Variants in MXI1 observed in about 807,000 individuals in gnomAD.
MXI1 encodes MAX interactor 1, dimerization protein.
Under a neutral mutation model 36.9 loss-of-function variants are expected in MXI1, and 18 were observed. The ratio of observed to expected loss-of-function variants is 0.49; its 90% CI spans 0.34 to 0.72. MXI1 has a LOEUF of 0.72. Ranked by LOEUF, MXI1 falls within the 30% of genes least tolerant of loss-of-function variation. MXI1 has a pLI of 0.01. For synonymous variants in MXI1, 160 were observed against 146.7 expected (o/e 1.09, Z -0.65); for missense variants, 304 against 379.1 (o/e 0.80, Z 1.64).
chr10:110,211,685 A>G (rs1854520301), intron 1 of MXI1, among the ~76,000 whole-genome samples: 1 of 152,142 alleles, frequency 6.6e-6, no homozygotes, highest in Non-Finnish European at 1.5e-5. Flanking sequence ...CTTCCAGTGG[A>G]GAGGTTGAGT....
chr10:110,212,574 A>G (rs1854539238), intron 1 of MXI1, among the ~76,000 whole-genome samples: 1 of 152,180 alleles, frequency 6.6e-6, no homozygotes, highest in African/African-American at 2.4e-5. Flanking sequence ...TTGTTAAGTC[A>G]TTGTACTTGA....
chr10:110,228,219 C>T lies in MXI1; in HGVS notation c.305C>T (p.Pro102Leu), dbSNP rs1855133509. ...GAACATGGCTACGCCTCTTCATTCC[C>T]GTCCATGCCGAGCCCCCGACTGCAG... ...KCEHGYASSF[P>L]SMPSPRLQHS... The change falls in exon 2 of 6, where the codon CCG (proline) becomes CTG (leucine). Residue 102 changes from proline to leucine, a missense_variant. This residue lies in a region of MXI1 where 179 missense variants were observed against 184.8 expected (regional missense o/e 0.97). Transcript: ENST00000332674. 1 of 1,614,054 alleles carries T rather than the reference C, an allele frequency of 6.2e-7. No homozygotes were observed. Among genetic ancestry groups the T allele is most frequent in the Non-Finnish European group, 8.5e-7 (1 of 1,180,018 alleles).
At chr10:110,234,648 C>T (rs1855392733) in intron 2 of MXI1, among the ~76,000 whole-genome samples, 2 of 152,054 alleles carry the variant, frequency 1.3e-5, no homozygotes, top group Non-Finnish European at 2.9e-5. Context: ...CTTTGGAAGT[C>T]AGATGAGTTA....
At chr10:110,235,630 G>C (rs1470269522) in intron 2 of MXI1, among the ~76,000 whole-genome samples, 1 of 151,610 alleles carries the variant, frequency 6.6e-6, no homozygotes, top group African/African-American at 2.4e-5. Context: ...AGAGCTTGCA[G>C]TGAGCCAAGA....
Position 110,285,689 on chromosome 10 carries a change from C to A in MXI1, c.*702C>A, listed in dbSNP as rs1282807602. ...GTTAGCACTAGGCACCCAGCTGCCACCTCTCCATCCTGCTGCCCTTAGGCC... is the reference window on the plus strand; with the variant it reads ...GTTAGCACTAGGCACCCAGCTGCCAACTCTCCATCCTGCTGCCCTTAGGCC... On this transcript the variant is annotated 3_prime_UTR_variant, in exon 6 of 6. Coordinates refer to ENST00000332674, the MANE Select transcript of MXI1 (RefSeq NM_130439.3). 3.9e-5 allele frequency: 6 copies of A among 152,322 alleles called. No homozygotes were observed. Among genetic ancestry groups the A allele is most frequent in the Non-Finnish European group, 8.8e-5 (6 of 68,114 alleles). 9.4% of individuals were successfully genotyped at this position (152,322 alleles called of 1,614,324 possible).
chr10:110,253,701 C>T (rs1319546463), intron 3 of MXI1, among the ~76,000 whole-genome samples: 5 of 152,044 alleles, frequency 3.3e-5, no homozygotes, highest in African/African-American at 1.2e-4. Flanking sequence ...TAACCTATAA[C>T]TTCAGCTGGA....
intron 3 of MXI1, among the ~76,000 whole-genome samples, chr10:110,262,224 TA>T (rs1310250590): frequency 6.6e-6 from 1 of 152,154 alleles, no homozygotes; most frequent in African/African-American, 2.4e-5. Context: ...CCTTATTCCC[TA>T]AACAATACAA....
At chr10:110,270,505 TA>T (rs5787842) in intron 3 of MXI1, among the ~76,000 whole-genome samples, 2,392 of 151,884 alleles carry the variant, frequency 0.016, 57 homozygotes, top group African/African-American at 0.055. Context: ...GCAGGATAAT[TA>T]AAAAAAATAG....
chr10:110,280,197 A>T, intron 5 of MXI1, 112 bp downstream of exon 5: 1 of 881,214 alleles, frequency 1.1e-6, no homozygotes, highest in Non-Finnish European at 1.6e-6. Flanking sequence ...ACAGAGTAAC[A>T]TTGTAGGTTT....
intron 1 of MXI1, chr10:110,225,891 C>A (rs1385467106): frequency 1.8e-6 from 1 of 551,022 alleles, no homozygotes; most frequent in Non-Finnish European, 2.3e-6. Flanking sequence ...TCCCGGCAGC[C>A]GCGGGCGGGT....
chr10:110,242,832 ATGGCTGTTTAG>A (rs1855722240), intron 2 of MXI1, among the ~76,000 whole-genome samples: 1 of 151,790 alleles, frequency 6.6e-6, no homozygotes, highest in Non-Finnish European at 1.5e-5. Context: ...GAATAAGTTT[ATGGCTGTTTAG>A]AATAAGTTTA....
rs182685973 is a variant in MXI1 at position 110,218,382 on chromosome 10, G to A, written c.275-9807G>A. Reference sequence around the variant, plus strand: ...GGAGAATGGCGTGAACCCGGGAGGCGGTGCTTGCAGTGAGCCGAGATCACA... The same window carrying A: ...GGAGAATGGCGTGAACCCGGGAGGCAGTGCTTGCAGTGAGCCGAGATCACA... On this transcript the variant is annotated intron_variant, in intron 1 of 5. Coordinates refer to ENST00000332674, the MANE Select transcript of MXI1 (RefSeq NM_130439.3). Among the ~76,000 whole-genome samples the A allele has an allele frequency of 7.4e-4, 111 of 150,678 alleles. 1 individual carries two copies. The highest frequency in any genetic ancestry group is 5.5e-3 in the South Asian group (26 of 4,714).
In MXI1 at chr10:110,284,841, G is replaced by A. The variant is rs1339318151; in HGVS notation, c.742G>A (p.Val248Ile). 2 of 1,603,386 alleles carry A rather than the reference G, an allele frequency of 1.2e-6. No homozygotes were observed. Among genetic ancestry groups the A allele is most frequent in the African/African-American group, 1.4e-5 (1 of 73,796 alleles). ...DSEREEIEVD[V>I]ESTEFSHGEV... ...TTTGGCAGAGGAGATTGAAGTGGAT[G>A]TTGAAAGCACAGAGTTCTCCCATGG... Residue 248 changes from valine (V) to isoleucine (I), a missense_variant, in exon 6 of 6, where the codon GTT (valine) becomes ATT (isoleucine). Transcript: ENST00000332674.
chr10:110,278,774 A>C (rs900035942), intron 3 of MXI1, among the ~76,000 whole-genome samples: 1 of 151,868 alleles, frequency 6.6e-6, no homozygotes, highest in Non-Finnish European at 1.5e-5. Flanking sequence ...GGGAAATAGA[A>C]ACTTGTGAGC....
At chr10:110,284,015 A>G (rs1236995850) in intron 5 of MXI1, among the ~76,000 whole-genome samples, 1 of 150,568 alleles carries the variant, frequency 6.6e-6, no homozygotes, top group Non-Finnish European at 1.5e-5. Context: ...CTTGTCTCAA[A>G]CTCCTGCACT....
In MXI1 at chr10:110,207,846, G is replaced by A; in HGVS notation, c.38G>A (p.Cys13Tyr). ...KRGRPRKEAR[C>Y]EGAGLAPAAP... ...GGGCGGCCGCGCAAGGAGGCGCGCTGCGAGGGCGCGGGGCTGGCCCCCGCC... is the reference window on the plus strand; with the variant it reads ...GGGCGGCCGCGCAAGGAGGCGCGCTACGAGGGCGCGGGGCTGGCCCCCGCC... The change falls in exon 1 of 6, where the codon TGC (cysteine) becomes TAC (tyrosine). Residue 13 changes from cysteine to tyrosine, a missense_variant. Coordinates refer to ENST00000332674, the MANE Select transcript of MXI1 (RefSeq NM_130439.3). 4.4e-6 allele frequency: 5 copies of A among 1,146,140 alleles called. No homozygotes were observed. The highest frequency in any genetic ancestry group is 1.6e-5 in the African/African-American group (1 of 60,662). The allele number at this position is 1,146,140 out of a possible 1,614,324, so 71.0% of individuals were successfully genotyped here. A position where few individuals can be genotyped will look rare whatever the true frequency, so the allele number is the denominator to read the frequency against.
chr10:110,281,662 CAA>C (rs1025369427), intron 5 of MXI1, among the ~76,000 whole-genome samples: 2 of 152,018 alleles, frequency 1.3e-5, no homozygotes, highest in Middle Eastern at 3.2e-3. Flanking sequence ...TTTTAAACAT[CAA>C]GAGACTGAGT....
chr10:110,283,279 T>A (rs947030927), intron 5 of MXI1, among the ~76,000 whole-genome samples: 13 of 151,514 alleles, frequency 8.6e-5, no homozygotes, highest in Admixed American at 7.2e-4. Context: ...TTTTTTTTTT[T>A]GAGAGAGAGT....
At chr10:110,217,448 A>G (rs187556104) in intron 1 of MXI1, among the ~76,000 whole-genome samples, 20 of 152,300 alleles carry the variant, frequency 1.3e-4, no homozygotes, top group South Asian at 4.1e-4. Flanking sequence ...TGGGCAAGTG[A>G]GAGCTGGTGT....
Sources: allele counts gnomAD v4.1 joint callset (sites outside exome capture counted in the v4.1 genomes callset), GRCh38; gene constraint gnomAD v4.1.1; regional missense constraint gnomAD v4.1.1; transcripts MANE v1.5; gene names NCBI Gene and HGNC (gene_info 2026-07-23, HGNC 2026-07-21).